The following GNG2 variants were observed in gnomAD, a reference collection of about 807,000 sequenced individuals.
The protein encoded by GNG2 is G protein subunit gamma 2, also known as guanine nucleotide-binding protein G(I)/G(S)/G(O) subunit gamma-2.
Under a neutral mutation model 5.5 loss-of-function variants are expected in GNG2, and 5 were observed. The observed-to-expected ratio is 0.91, with a 90% CI of 0.48 to 1.92. The LOEUF (loss-of-function observed/expected upper bound fraction) is 1.92. Ranked by LOEUF, GNG2 falls within the 30% of genes most tolerant of loss-of-function variation. GNG2 has a pLI of 0.01. For synonymous variants in GNG2, 28 were observed against 32.0 expected (o/e 0.88, Z 0.42); for missense variants, 55 against 88.4 (o/e 0.62, Z 1.52).
chr14:51,850,875 G>A (rs1280844693), intron 2 of GNG2, among the ~76,000 whole-genome samples: 1 of 152,082 alleles, frequency 6.6e-6, no homozygotes, highest in African/African-American at 2.4e-5. Flanking sequence ...TTATCACTAA[G>A]GGAATGTCCC....
intron 2 of GNG2, among the ~76,000 whole-genome samples, chr14:51,830,644 T>C (rs952280911): frequency 2.0e-5 from 3 of 152,358 alleles, no homozygotes; most frequent in African/African-American, 2.4e-5. Flanking sequence ...GCAAACTTTG[T>C]TGGCTCAACT....
At chr14:51,872,310 T>TTGTGTGTGTGTGTGTGTGTGTGTG (rs35147124) in intron 1 of GNG2, among the ~76,000 whole-genome samples, 55 of 149,988 alleles carry the variant, frequency 3.7e-4, no homozygotes, top group African/African-American at 1.3e-3. Flanking sequence ...AATGACTATT[T>TTGTGTGTGTGTGTGTGTGTGTGTG]TGTGTGTGTG....
chr14:51,965,974 C>T (rs1222559203), intron 3 of GNG2, among the ~76,000 whole-genome samples: 5 of 151,848 alleles, frequency 3.3e-5, no homozygotes, highest in Non-Finnish European at 7.4e-5. Context: ...TTTCGGAAGC[C>T]GAGACAGGTG....
intron 2 of GNG2, among the ~76,000 whole-genome samples, chr14:51,949,077 C>T (rs146266664): frequency 0.024 from 3,641 of 149,492 alleles, 147 homozygotes; most frequent in African/African-American, 0.085. Context: ...GCCGAGATCG[C>T]GCCACTGCAC....
At chr14:51,952,306 T>C (rs971079671) in intron 3 of GNG2, among the ~76,000 whole-genome samples, 6 of 152,222 alleles carry the variant, frequency 3.9e-5, no homozygotes, top group Non-Finnish European at 8.8e-5. Context: ...ATTCTTCTTC[T>C]TTCTTCATGA....
At chr14:51,929,367 C>T (rs946288728) in intron 2 of GNG2, among the ~76,000 whole-genome samples, 3 of 152,200 alleles carry the variant, frequency 2.0e-5, no homozygotes, top group Admixed American at 2.0e-4. Flanking sequence ...ACTCATCTAA[C>T]ATTTGCTGCA....
chr14:51,846,035 C>A (rs58840572), intron 2 of GNG2, among the ~76,000 whole-genome samples: 26,085 of 152,050 alleles, frequency 0.17, 2,310 homozygotes, highest in Non-Finnish European at 0.19. Context: ...TACAAAATGA[C>A]CTTGTGATTC....
At chr14:51,832,060 G>A (rs1265112384) in intron 2 of GNG2, among the ~76,000 whole-genome samples, 10 of 152,000 alleles carry the variant, frequency 6.6e-5, no homozygotes, top group East Asian at 5.8e-4. Flanking sequence ...TGGGAGGATC[G>A]CTTGAGCCCA....
chr14:51,857,636 G>A (rs11621038), upstream of GNG2, among the ~76,000 whole-genome samples: 33,535 of 152,032 alleles, frequency 0.22, 4,206 homozygotes, highest in African/African-American at 0.34. Flanking sequence ...AAAAACCAAA[G>A]CATTTGTAAA....
intron 2 of GNG2, among the ~76,000 whole-genome samples, chr14:51,918,053 A>G (rs1406878015): frequency 1.3e-5 from 2 of 149,638 alleles, no homozygotes; most frequent in Non-Finnish European, 3.0e-5. Flanking sequence ...AAAAAAAAAA[A>G]ACTGATAAAG....
At chr14:51,949,051 G>A (rs767582498) in intron 2 of GNG2, among the ~76,000 whole-genome samples, 7 of 151,538 alleles carry the variant, frequency 4.6e-5, no homozygotes, top group Admixed American at 1.3e-4. Flanking sequence ...AACCTGGGTG[G>A]TGGAGCTTGC....
intron 2 of GNG2, among the ~76,000 whole-genome samples, chr14:51,941,353 G>A (rs957847472): frequency 6.6e-6 from 1 of 152,114 alleles, no homozygotes; most frequent in African/African-American, 2.4e-5. Flanking sequence ...TGACAAACAA[G>A]AATAATAAAA....
chr14:51,936,843 G>T (rs893193694), intron 2 of GNG2, among the ~76,000 whole-genome samples: 1 of 152,076 alleles, frequency 6.6e-6, no homozygotes, highest in Non-Finnish European at 1.5e-5. Flanking sequence ...ACACCTAGCT[G>T]TGAATTTTAA....
At chr14:51,910,911 T>A (rs993427741) in intron 2 of GNG2, among the ~76,000 whole-genome samples, 1 of 152,268 alleles carries the variant, frequency 6.6e-6, no homozygotes, top group Non-Finnish European at 1.5e-5. Flanking sequence ...GGGTCACCTG[T>A]CTACATGGAA....
chr14:51,827,510 C>G (rs1881059666), intron 1 of GNG2, among the ~76,000 whole-genome samples: 1 of 152,178 alleles, frequency 6.6e-6, no homozygotes, highest in African/African-American at 2.4e-5. Flanking sequence ...CCGGTGATCC[C>G]TCTGAGAACA....
At chr14:51,962,208 T>A (rs200196325) in intron 3 of GNG2, among the ~76,000 whole-genome samples, 1 of 151,828 alleles carries the variant, frequency 6.6e-6, no homozygotes, top group Non-Finnish European at 1.5e-5. Flanking sequence ...TTAAATAATA[T>A]TATTTAAAAT....
chr14:51,842,427 A>C (rs1304114137), intron 2 of GNG2, among the ~76,000 whole-genome samples: 10 of 152,296 alleles, frequency 6.6e-5, no homozygotes, highest in Admixed American at 6.5e-4. Context: ...AATGGAACCT[A>C]TGACTGGCAG....
At chr14:51,946,592 C>T (rs1328927302) in intron 2 of GNG2, among the ~76,000 whole-genome samples, 2 of 152,116 alleles carry the variant, frequency 1.3e-5, no homozygotes, top group East Asian at 3.8e-4. Context: ...CCAGCTCCAC[C>T]CCAGTGTTTC....
Position 51,897,401 on chromosome 14 carries a change from C to G in GNG2, c.-30+19744C>G, listed in dbSNP as rs561591333. On this transcript the variant is annotated intron_variant, in intron 2 of 3. Coordinates refer to ENST00000556766, the MANE Select transcript of GNG2 (RefSeq NM_053064.5). ...CATAACTAAGGAGGCAGGTTGTCAT[C>G]TTGGACAATTCCGGGGTGGGGGCAT... is the stretch of plus-strand genomic sequence containing the variant. Among the ~76,000 whole-genome samples, 40 of 152,254 alleles carry G rather than the reference C, an allele frequency of 2.6e-4. 3 individuals carry two copies. In the South Asian group the frequency reaches 8.1e-3, roughly 31 times the overall value.
Sources: gnomAD v4.1 joint callset for allele counts (sites outside exome capture counted in the v4.1 genomes callset) on GRCh38, gnomAD v4.1.1 for gene constraint, MANE v1.5 for transcripts, NCBI Gene and HGNC (gene_info 2026-07-23, HGNC 2026-07-21) for gene names.